Variants in ARHGAP19 observed in about 807,000 individuals in gnomAD.
ARHGAP19 encodes the protein Rho GTPase activating protein 19.
ARHGAP19 carries 48 observed loss-of-function variants against 60.9 expected under a neutral mutation model. That is an observed-to-expected ratio of 0.79 (90% CI 0.62 to 1.00). ARHGAP19 has a LOEUF of 1.00. Ranked by LOEUF, ARHGAP19 falls within the 50% of genes least tolerant of loss-of-function variation. The pLI is 0.00. For missense variants in ARHGAP19, 562 were observed against 597.2 expected, an observed-to-expected ratio of 0.94 and a Z score of 0.61; for synonymous variants, 209 against 215.5, an observed-to-expected ratio of 0.97 and a Z score of 0.27.
intron 9 of ARHGAP19, among the ~76,000 whole-genome samples, chr10:97,230,311 C>CTT (rs1850984174): frequency 6.6e-6 from 1 of 152,160 alleles, no homozygotes; most frequent in South Asian, 2.1e-4. Flanking sequence ...TAGGCTGGCT[C>CTT]TTCTCTAAGG....
At chr10:97,235,431 G>A (rs1483766303) in intron 8 of ARHGAP19, 116 bp from the exon 9 acceptor site, 2 of 834,672 alleles carry the variant, frequency 2.4e-6, no homozygotes, top group African/African-American at 3.5e-5. Flanking sequence ...TCTGCGCATA[G>A]ATGGATTAGG....
chr10:97,273,132 G>A (rs545083207), intron 1 of ARHGAP19, among the ~76,000 whole-genome samples: 165 of 152,058 alleles, frequency 1.1e-3, no homozygotes, highest in African/African-American at 3.4e-3. Flanking sequence ...GAGCCACAGC[G>A]CCCAGCCTGT....
At chr10:97,229,690 T>C (rs184604655) in intron 10 of ARHGAP19, 74 bp downstream of exon 10, 141 of 1,091,284 alleles carry the variant, frequency 1.3e-4, no homozygotes, top group Non-Finnish European at 1.8e-4. Flanking sequence ...GTAAAACAGA[T>C]GACAGTATAT....
At chr10:97,271,344 G>C (rs1589376255) in intron 1 of ARHGAP19, among the ~76,000 whole-genome samples, 1 of 151,328 alleles carries the variant, frequency 6.6e-6, no homozygotes, top group Non-Finnish European at 1.5e-5. Flanking sequence ...TAAATAAATA[G>C]ATAAATAAAT....
At position 97,223,424 on chromosome 10, in the gene ARHGAP19, G is replaced by A. The variant is rs1383818809; in HGVS notation, c.*2698C>T. 6.6e-6 allele frequency: 1 copy of A among 152,154 alleles called. No individual in the cohort carries two copies. Among genetic ancestry groups the A allele is most frequent in the Non-Finnish European group, 1.5e-5 (1 of 68,048 alleles). 9.4% of individuals were successfully genotyped at this position (152,154 alleles called of 1,614,324 possible). A position where few individuals can be genotyped will look rare whatever the true frequency, so the allele number is the denominator to read the frequency against. ...AAAGGTGAGAAATTCCAACGCCTAT[G>A]GTTCTCACTAATTTAGTCAGTGGGG... On this transcript the variant is annotated 3_prime_UTR_variant, in exon 12 of 12. Transcript: ENST00000358531.
At chr10:97,235,519 C>T (rs1366839262) in intron 8 of ARHGAP19, among the ~76,000 whole-genome samples, 2 of 152,006 alleles carry the variant, frequency 1.3e-5, no homozygotes, top group Admixed American at 6.6e-5. Context: ...GGGCTCTGCA[C>T]GCCACATTCC....
At chr10:97,262,068 T>C (rs1204556485) in intron 4 of ARHGAP19, among the ~76,000 whole-genome samples, 1 of 151,990 alleles carries the variant, frequency 6.6e-6, no homozygotes, top group East Asian at 1.9e-4. Context: ...TCAGTAACAC[T>C]GGTCTGGGGG....
At chr10:97,228,423 C>T (rs2134801601) in intron 11 of ARHGAP19, among the ~76,000 whole-genome samples, 1 of 152,258 alleles carries the variant, frequency 6.6e-6, no homozygotes, top group Admixed American at 6.5e-5. Context: ...TCAATTGAGC[C>T]TCATAATAAA....
At chr10:97,239,545 AGAGAG>A (rs1351889342) in intron 8 of ARHGAP19, among the ~76,000 whole-genome samples, 3,616 of 122,232 alleles carry the variant, frequency 0.03, 201 homozygotes, top group African/African-American at 0.1. Context: ...AGAGAGAGAG[AGAGAG>A]GGTGTGTGTG....
intron 3 of ARHGAP19, among the ~76,000 whole-genome samples, chr10:97,264,038 G>A (rs199792630): frequency 1.3e-5 from 2 of 152,312 alleles, no homozygotes; most frequent in East Asian, 3.9e-4. Context: ...TGTGGCTCTT[G>A]TAAACTGTTT....
At chr10:97,229,695 G>A (rs1490123067) in intron 10 of ARHGAP19, 69 bp downstream of exon 10, 1 of 1,121,368 alleles carries the variant, frequency 8.9e-7, no homozygotes, top group African/African-American at 1.6e-5. Context: ...ACAGATGACA[G>A]TATATCAATT....
intron 11 of ARHGAP19, among the ~76,000 whole-genome samples, chr10:97,226,480 AAT>A (rs1850897042): frequency 6.6e-6 from 1 of 152,338 alleles, no homozygotes; most frequent in East Asian, 1.9e-4. Flanking sequence ...CCCGAGGACT[AAT>A]ATATAAGCTA....
chr10:97,292,587 C>G lies in ARHGAP19; in HGVS notation c.41G>C (p.Arg14Pro), dbSNP rs1475985118. ...CTCAGCTCACCTCCGGCCGGATTCGCGGGCTGGCACCTCCCCTTCACTCTG... is the reference window on the plus strand; with the variant it reads ...CTCAGCTCACCTCCGGCCGGATTCGGGGGCTGGCACCTCCCCTTCACTCTG... ...EAQSEGEVPA[R>P]ESGRSDAICS... The change falls in exon 1 of 12, where the codon CGC becomes CCC. Residue 14 changes from arginine to proline, a missense_variant. Physicochemically the swap from Arg to Pro is moderately radical, Grantham distance 103. Coordinates refer to ENST00000358531, the MANE Select transcript of ARHGAP19 (RefSeq NM_032900.6). 1 of 1,614,210 alleles carries G rather than the reference C, an allele frequency of 6.2e-7. No homozygotes were observed. Among genetic ancestry groups the G allele is most frequent in the Non-Finnish European group, 8.5e-7 (1 of 1,180,034 alleles).
intron 1 of ARHGAP19, among the ~76,000 whole-genome samples, chr10:97,287,847 G>C (rs1843175576): frequency 6.6e-6 from 1 of 152,182 alleles, no homozygotes; most frequent in Non-Finnish European, 1.5e-5. Flanking sequence ...CAGATCACCT[G>C]AGGTCGGGAG....
In ARHGAP19 at chr10:97,226,005, T is replaced by C; in HGVS notation, c.*117A>G. On this transcript the variant is annotated 3_prime_UTR_variant, in exon 12 of 12. Coordinates refer to ENST00000358531, the MANE Select transcript of ARHGAP19 (RefSeq NM_032900.6). ...GTCGGGTCACGGTATTAGTTGGCTT[T>C]GACAATTCAAAATGCAGCAAGCAAG... 8.6e-7 allele frequency: 1 copy of C among 1,156,748 alleles called. No homozygotes were observed. Among genetic ancestry groups the C allele is most frequent in the East Asian group, 2.4e-5 (1 of 41,254 alleles). 71.7% of individuals were successfully genotyped at this position (1,156,748 alleles called of 1,614,324 possible). A position where few individuals can be genotyped will look rare whatever the true frequency, so the allele number is the denominator to read the frequency against.
intron 6 of ARHGAP19, among the ~76,000 whole-genome samples, chr10:97,249,176 A>C (rs1370243737): frequency 6.6e-6 from 1 of 152,220 alleles, no homozygotes; most frequent in African/African-American, 2.4e-5. Context: ...ATAAAGGCTA[A>C]ATGACAAAAT....
chr10:97,283,473 G>C (rs1843114871), intron 1 of ARHGAP19, among the ~76,000 whole-genome samples: 1 of 151,840 alleles, frequency 6.6e-6, no homozygotes, highest in South Asian at 2.1e-4. Context: ...AGAACTGCTT[G>C]AACCCAGGAG....
chr10:97,229,045 C>G, intron 11 of ARHGAP19, 102 bp downstream of exon 11: 2 of 1,176,958 alleles, frequency 1.7e-6, no homozygotes, highest in South Asian at 2.5e-5. Flanking sequence ...TATGTCACTT[C>G]TGACTACAAA....
At chr10:97,234,262 T>C (rs1450997166) in intron 9 of ARHGAP19, among the ~76,000 whole-genome samples, 1 of 151,228 alleles carries the variant, frequency 6.6e-6, no homozygotes, top group East Asian at 1.9e-4. Context: ...AGCGAGACTC[T>C]GTCTCAAAAA....
Sources: allele counts gnomAD v4.1 joint callset (sites outside exome capture counted in the v4.1 genomes callset), GRCh38; gene constraint gnomAD v4.1.1; transcripts MANE v1.5; gene names NCBI Gene and HGNC (gene_info 2026-07-23, HGNC 2026-07-21).